Variants in HNRNPC observed in about 807,000 individuals in gnomAD.
HNRNPC encodes heterogeneous nuclear ribonucleoproteins C1/C2.
Under a neutral mutation model 33.2 loss-of-function variants are expected in HNRNPC, and 3 were observed. That is an observed-to-expected ratio of 0.09 (90% CI 0.04 to 0.23). The LOEUF is 0.23. Among genes scored for constraint, HNRNPC ranks in the 10% least tolerant of loss-of-function variants. The pLI is 1.00. For synonymous variants in HNRNPC, 121 were observed against 126.7 expected (o/e 0.96, Z 0.30); for missense variants, 143 against 366.7 (o/e 0.39, Z 4.98).
chr14:21,266,399 T>C (rs1381825140), intron 1 of HNRNPC, among the ~76,000 whole-genome samples: 1 of 151,964 alleles, frequency 6.6e-6, no homozygotes, highest in East Asian at 1.9e-4. Context: ...ACACCCGGCC[T>C]TAGAATCAAT....
intron 6 of HNRNPC, among the ~76,000 whole-genome samples, chr14:21,212,710 T>C (rs542715513): frequency 6.6e-6 from 1 of 152,152 alleles, no homozygotes; most frequent in African/African-American, 2.4e-5. Context: ...CCCCGGCAAA[T>C]TTTTTGTATT....
chr14:21,244,786 T>G (rs1280662523), intron 2 of HNRNPC, among the ~76,000 whole-genome samples: 4 of 152,148 alleles, frequency 2.6e-5, no homozygotes, highest in African/African-American at 9.7e-5. Flanking sequence ...GCTCCCAGAC[T>G]ACAAACCTGC....
chr14:21,216,162 A>T (rs1407785477), intron 5 of HNRNPC, among the ~76,000 whole-genome samples: 2 of 151,036 alleles, frequency 1.3e-5, no homozygotes, highest in East Asian at 3.9e-4. Flanking sequence ...GTCTACCCCA[A>T]TTCCAAAGTA....
chr14:21,250,907 T>C (rs768019373), intron 2 of HNRNPC, among the ~76,000 whole-genome samples: 8 of 152,178 alleles, frequency 5.3e-5, no homozygotes, highest in Non-Finnish European at 7.3e-5. Flanking sequence ...CAGATGGTGA[T>C]GATGCTATGC....
At chr14:21,225,550 C>G (rs897140911) in intron 5 of HNRNPC, among the ~76,000 whole-genome samples, 2 of 152,002 alleles carry the variant, frequency 1.3e-5, no homozygotes, top group African/African-American at 4.8e-5. Context: ...TCTTTTAATT[C>G]TAAAAGGTGT....
chr14:21,259,113 G>A (rs138792707), intron 2 of HNRNPC, among the ~76,000 whole-genome samples: 93 of 152,270 alleles, frequency 6.1e-4, no homozygotes, highest in African/African-American at 2.1e-3. Context: ...CCTCATCTAT[G>A]TATTCTTGGT....
At chr14:21,246,345 G>C (rs1895977613) in intron 2 of HNRNPC, among the ~76,000 whole-genome samples, 1 of 152,180 alleles carries the variant, frequency 6.6e-6, no homozygotes, top group South Asian at 2.1e-4. Context: ...GGATCACGAG[G>C]TTAAGAGATC....
At chr14:21,249,434 A>T (rs1410354670) in intron 2 of HNRNPC, among the ~76,000 whole-genome samples, 1 of 151,556 alleles carries the variant, frequency 6.6e-6, no homozygotes, top group Non-Finnish European at 1.5e-5. Context: ...AAAAAAAAAA[A>T]AAATTAGCCA....
At chr14:21,238,764 G>C (rs1326037020) in intron 2 of HNRNPC, among the ~76,000 whole-genome samples, 1 of 151,922 alleles carries the variant, frequency 6.6e-6, no homozygotes, top group African/African-American at 2.4e-5. Context: ...CCATTTACTA[G>C]TATGTAATAG....
rs1215185645 is a variant in HNRNPC, at chr14:21,210,588, A to G, written c.*635T>C. On this transcript the variant is annotated 3_prime_UTR_variant, in exon 9 of 9. Coordinates refer to ENST00000553300, the MANE Select transcript of HNRNPC (RefSeq NM_004500.4). Reference sequence around the variant, plus strand: ...TTCCTGGTTTAATAAGGACTTGTTTATTTTGAGGAAAAAAGGTCCCAAACA... The same window carrying G: ...TTCCTGGTTTAATAAGGACTTGTTTGTTTTGAGGAAAAAAGGTCCCAAACA... The G allele has an allele frequency of 6.6e-6, 1 of 152,260 alleles. No homozygotes were observed. The highest frequency in any genetic ancestry group is 1.5e-5 in the Non-Finnish European group (1 of 67,956). The allele number at this position is 152,260 out of a possible 1,614,324, so 9.4% of individuals were successfully genotyped here.
intron 2 of HNRNPC, among the ~76,000 whole-genome samples, chr14:21,249,827 C>G (rs1053701599): frequency 9.9e-5 from 15 of 151,994 alleles, no homozygotes; most frequent in Admixed American, 7.9e-4. Flanking sequence ...TTGGAAAACA[C>G]TTTTTAAAGA....
At chr14:21,236,555 G>A (rs961030015) in intron 2 of HNRNPC, 1 of 152,058 alleles carries the variant, frequency 6.6e-6, no homozygotes, top group African/African-American at 2.4e-5. Context: ...AAAATCCAGG[G>A]CACAAATAGT....
chr14:21,224,223 G>C (rs1893161720), intron 5 of HNRNPC, among the ~76,000 whole-genome samples: 1 of 152,124 alleles, frequency 6.6e-6, no homozygotes, highest in Non-Finnish European at 1.5e-5. Context: ...TTAATCCAAA[G>C]CCTCAGGCTT....
At chr14:21,223,334 C>T (rs189549711) in intron 5 of HNRNPC, among the ~76,000 whole-genome samples, 4 of 152,264 alleles carry the variant, frequency 2.6e-5, no homozygotes, top group African/African-American at 9.6e-5. Flanking sequence ...CTCAGTCATA[C>T]AGCAGATTGA....
chr14:21,241,849 C>G (rs1215028593), intron 2 of HNRNPC, among the ~76,000 whole-genome samples: 1 of 152,190 alleles, frequency 6.6e-6, no homozygotes, highest in East Asian at 1.9e-4. Flanking sequence ...GGGGATATTA[C>G]TAAGACATTT....
In HNRNPC at chr14:21,211,805, T is replaced by C. The variant is rs372018302; in HGVS notation, c.637+5A>G. ...ATACCAAGGGCAAGCAGAAAACCCA[T>C]TTACCTGCTTGTTTGCTCTGTTCCT... On this transcript the variant is annotated splice_donor_5th_base_variant and intron_variant, in intron 7 of 8. Coordinates refer to ENST00000553300, the MANE Select transcript of HNRNPC (RefSeq NM_004500.4). The C allele has an allele frequency of 4.4e-6, 7 of 1,605,092 alleles. No individual in the cohort carries two copies. The highest frequency in any genetic ancestry group is 1.1e-5 in the South Asian group (1 of 90,826).
At chr14:21,262,262 G>A (rs1028558006) in intron 2 of HNRNPC, among the ~76,000 whole-genome samples, 8 of 152,164 alleles carry the variant, frequency 5.3e-5, no homozygotes, top group African/African-American at 1.9e-4. Flanking sequence ...TATGTTAAAT[G>A]ACAGAAAATG....
At chr14:21,244,018 A>C (rs1895659228) in intron 2 of HNRNPC, among the ~76,000 whole-genome samples, 1 of 150,878 alleles carries the variant, frequency 6.6e-6, no homozygotes, top group Non-Finnish European at 1.5e-5. Context: ...TTTTATCTGC[A>C]TATTTCCTCC....
intron 5 of HNRNPC, among the ~76,000 whole-genome samples, chr14:21,220,818 C>A (rs1430598677): frequency 6.9e-6 from 1 of 144,154 alleles, no homozygotes. Context: ...TATCTGTTTT[C>A]AAGGTATTTA....
Sources: gnomAD v4.1 joint callset for allele counts (sites outside exome capture counted in the v4.1 genomes callset) on GRCh38, gnomAD v4.1.1 for gene constraint, MANE v1.5 for transcripts, NCBI Gene and HGNC (gene_info 2026-07-23, HGNC 2026-07-21) for gene names.